Variants in COL27A1 observed in about 807,000 individuals in gnomAD.
COL27A1 encodes collagen type XXVII alpha 1 chain.
Under a neutral mutation model 251.3 loss-of-function variants are expected in COL27A1, and 106 were observed. The ratio of observed to expected loss-of-function variants is 0.42; its 90% CI spans 0.36 to 0.50. The LOEUF (loss-of-function observed/expected upper bound fraction) is 0.50. COL27A1 is among the 20% of genes least tolerant of loss of function. The pLI is 0.00. For missense variants in COL27A1, 2,325 were observed against 2,522.8 expected (o/e 0.92, Z 1.68); for synonymous variants, 1,000 against 986.3 (o/e 1.01, Z -0.26).
intron 29 of COL27A1, 45 bp from the exon 30 acceptor site, chr9:114,264,879 C>T (rs1564544034): frequency 1.3e-6 from 2 of 1,580,064 alleles, no homozygotes; most frequent in East Asian, 2.3e-5. Flanking sequence ...GGGAACGGTC[C>T]TCCCAAGCAC....
intron 28 of COL27A1, among the ~76,000 whole-genome samples, chr9:114,262,548 T>C (rs1019880096): frequency 2.0e-5 from 3 of 152,246 alleles, no homozygotes; most frequent in African/African-American, 7.2e-5. Context: ...AACTAGCCAT[T>C]CTTAAGCACT....
At chr9:114,167,266 A>C (rs891083152) in intron 2 of COL27A1, among the ~76,000 whole-genome samples, 2 of 152,206 alleles carry the variant, frequency 1.3e-5, no homozygotes, top group Admixed American at 6.5e-5. Flanking sequence ...ATTATTTGAA[A>C]GGGCTTCTTT....
chr9:114,217,894 G>A (rs1456493235), intron 12 of COL27A1: 4 of 458,960 alleles, frequency 8.7e-6, no homozygotes, highest in East Asian at 7.0e-5. Flanking sequence ...CAGGCAGATC[G>A]CTTGAGCCCA....
intron 45 of COL27A1, among the ~76,000 whole-genome samples, chr9:114,289,530 C>T (rs1827759886): frequency 6.6e-6 from 1 of 152,186 alleles, no homozygotes; most frequent in Non-Finnish European, 1.5e-5. Flanking sequence ...GGGGAGCCAA[C>T]TGCCTGAGGC....
intron 13 of COL27A1, among the ~76,000 whole-genome samples, chr9:114,220,994 C>CA (rs35673362): frequency 0.63 from 67,450 of 107,560 alleles, 21,445 homozygotes; most frequent in South Asian, 0.8. Context: ...GACTCTGTCT[C>CA]AAAAAAAAAA....
intron 59 of COL27A1, among the ~76,000 whole-genome samples, chr9:114,308,937 C>T (rs926443262): frequency 6.6e-6 from 1 of 152,202 alleles, no homozygotes; most frequent in African/African-American, 2.4e-5. Flanking sequence ...AAAACCCTCT[C>T]CCTCGCTGAG....
At chr9:114,238,174 T>C (rs1832525417) in intron 19 of COL27A1, among the ~76,000 whole-genome samples, 1 of 152,214 alleles carries the variant, frequency 6.6e-6, no homozygotes, top group African/African-American at 2.4e-5. Flanking sequence ...GAATGAAGAA[T>C]GAGAAATAAG....
At chr9:114,209,916 G>A (rs749376577) in intron 11 of COL27A1, among the ~76,000 whole-genome samples, 188 bp downstream of exon 11, 2 of 152,226 alleles carry the variant, frequency 1.3e-5, no homozygotes, top group Non-Finnish European at 2.9e-5. Flanking sequence ...CAGCATGTGC[G>A]AAGTCAGGGA....
At chr9:114,182,932 T>G (rs1588608780) in intron 4 of COL27A1, 90 bp from the exon 5 acceptor site, 1 of 1,096,568 alleles carries the variant, frequency 9.1e-7, no homozygotes. Flanking sequence ...AACCAGTGGG[T>G]GGAGGGAAGG....
chr9:114,204,600 A>T (rs2043197), intron 7 of COL27A1, among the ~76,000 whole-genome samples: 113,290 of 151,858 alleles, frequency 0.75, 42,620 homozygotes, highest in African/African-American at 0.78. Context: ...TGGGTTAATA[A>T]ATGTGGTCAA....
intron 1 of COL27A1, among the ~76,000 whole-genome samples, chr9:114,160,479 C>T (rs1419904468): frequency 6.6e-6 from 1 of 152,014 alleles, no homozygotes; most frequent in Non-Finnish European, 1.5e-5. Context: ...AGAGTCCTGT[C>T]ATATCAGGTG....
Position 114,231,828 on chromosome 9 carries a change from A to T in COL27A1, c.2527A>T (p.Met843Leu), listed in dbSNP as rs377123614. The stretch of plus-strand genomic sequence containing the variant: ...CTTGGGCTTTGTCTTGCAGGGACTG[A>T]TGGGCAGCGTGGGGGAGCCCGGACT... The part of the protein sequence containing the change: ...YPGPKGMKGL[M>L]GSVGEPGLKG... Residue 843 changes from methionine (M) to leucine (L), a missense_variant, in exon 16 of 61, where the codon ATG becomes TTG. Transcript: ENST00000356083. The T allele has an allele frequency of 1.8e-5, 29 of 1,614,054 alleles. No homozygotes were observed. The highest frequency in any genetic ancestry group is 6.7e-5 in the East Asian group (3 of 44,882).
chr9:114,179,115 T>A (rs1430331452), intron 4 of COL27A1, among the ~76,000 whole-genome samples: 1 of 152,216 alleles, frequency 6.6e-6, no homozygotes, highest in Non-Finnish European at 1.5e-5. Context: ...GTGCCCAGGC[T>A]GAATCAGCCT....
chr9:114,298,743 T>C (rs1687403), intron 49 of COL27A1, among the ~76,000 whole-genome samples: 11,043 of 152,256 alleles, frequency 0.073, 458 homozygotes, highest in African/African-American at 0.1. Flanking sequence ...AGGTAATAGT[T>C]TCTTAGATAT....
intron 5 of COL27A1, among the ~76,000 whole-genome samples, chr9:114,186,587 G>A (rs562120694): frequency 6.6e-6 from 1 of 152,344 alleles, no homozygotes; most frequent in African/African-American, 2.4e-5. Flanking sequence ...CAGAGGGCAG[G>A]AAGGTTGAAC....
rs113914920 is a variant in COL27A1 at position 114,203,200 on chromosome 9, C to A, written c.2125-1902C>A. 5.7e-3 allele frequency among the ~76,000 whole-genome samples: 872 copies of A among 152,308 alleles called. 6 individuals are homozygous for A. The highest frequency in any genetic ancestry group is 0.02 in the African/African-American group (822 of 41,550). On this transcript the variant is annotated intron_variant, in intron 7 of 60. Transcript: ENST00000356083. ...ACTCCTTTAGGGCAAAGGATGTTGT[C>A]TGTCTCATTCTTCCTGTGCCTAGAA... is the stretch of plus-strand genomic sequence containing the variant.
At position 114,211,145 on chromosome 9, in the gene COL27A1, G is replaced by C; in HGVS notation, c.2367+119G>C. 3 of 1,057,034 alleles carry C rather than the reference G, an allele frequency of 2.8e-6. No homozygotes were observed. In the South Asian group the frequency reaches 4.0e-5, roughly 14 times the overall value. The allele number at this position is 1,057,034 out of a possible 1,614,324, so 65.5% of individuals were successfully genotyped here. ...TGCTTCTCCCCCTGCTTTGAGTGTG[G>C]GGGCCGCATGTGGGGTTGTCTGGCC... On this transcript the variant is annotated intron_variant, in intron 12 of 60. Coordinates refer to ENST00000356083, the MANE Select transcript of COL27A1 (RefSeq NM_032888.4).
intron 5 of COL27A1, among the ~76,000 whole-genome samples, chr9:114,190,813 A>G (rs1828701819): frequency 2.0e-5 from 3 of 152,236 alleles, no homozygotes; most frequent in African/African-American, 7.2e-5. Context: ...GGCTTGCTCA[A>G]GGTCACACAG....
At chr9:114,285,651 G>A (rs1240022688) in intron 41 of COL27A1, among the ~76,000 whole-genome samples, 3 of 152,186 alleles carry the variant, frequency 2.0e-5, no homozygotes, top group African/African-American at 7.2e-5. Flanking sequence ...CCTCCTGCTG[G>A]AGGAGGACAG....
Sources: gnomAD v4.1 joint callset for allele counts (sites outside exome capture counted in the v4.1 genomes callset) on GRCh38, gnomAD v4.1.1 for gene constraint, MANE v1.5 for transcripts, NCBI Gene and HGNC (gene_info 2026-07-23, HGNC 2026-07-21) for gene names.